The following PWWP2A variants were observed in gnomAD, a reference collection of about 807,000 sequenced individuals.
PWWP2A encodes PWWP domain-containing protein 2A.
Under a neutral mutation model 48.5 loss-of-function variants are expected in PWWP2A, and 18 were observed. The observed-to-expected ratio is 0.37, with a 90% CI of 0.26 to 0.55. The LOEUF is 0.55. Among genes scored for constraint, PWWP2A ranks in the 20% least tolerant of loss-of-function variants. The probability of loss-of-function intolerance (pLI) is 0.81; values close to 1 mark genes in which losing one functional copy is unlikely to be tolerated. For synonymous variants in PWWP2A, 396 were observed against 387.7 expected, an observed-to-expected ratio of 1.02 and a Z score of -0.25; for missense variants, 867 against 976.4, an observed-to-expected ratio of 0.89 and a Z score of 1.49.
intron 4 of PWWP2A, among the ~76,000 whole-genome samples, chr5:160,064,319 A>G (rs1753532585): frequency 1.3e-5 from 2 of 152,174 alleles, no homozygotes; most frequent in South Asian, 4.1e-4. Context: ...TGGGAAGAGG[A>G]GGCTGGACTA....
In PWWP2A at chr5:160,118,869, G is replaced by A; in HGVS notation, c.520C>T (p.Leu174Phe). 1 of 1,595,852 alleles carries A rather than the reference G, an allele frequency of 6.3e-7. No homozygotes were observed. Among genetic ancestry groups the A allele is most frequent in the African/African-American group, 1.4e-5 (1 of 72,724 alleles). The change falls in exon 1 of 2, where the codon CTT becomes TTT. Residue 174 changes from leucine (L) to phenylalanine (F), a missense_variant. By Grantham distance (22) the Leu-to-Phe change is conservative. Around this residue, in one of 4 missense-constraint regions of PWWP2A, gnomAD observed 385 missense variants for 396.9 expected, o/e 0.97. Coordinates refer to ENST00000307063, the MANE Select transcript of PWWP2A (RefSeq NM_001130864.2). ...TCCCCGAAGCGGAACGACACGACAA[G>A]CGCGTCCTCAATGATGTGGTCCAGC... Reference protein sequence around the residue: ...VTLDHIIEDALVVSFRFGEKL... With the variant: ...VTLDHIIEDAFVVSFRFGEKL...
At chr5:160,048,588 A>G in the PWWP2A span, among the ~76,000 whole-genome samples, 1 of 152,248 alleles carries the variant, frequency 6.6e-6, no homozygotes, top group Non-Finnish European at 1.5e-5. Flanking sequence ...TTATGCATCA[A>G]CCACCTCATA....
intron 1 of PWWP2A, among the ~76,000 whole-genome samples, chr5:160,114,463 A>G (rs920677698): frequency 2.0e-5 from 3 of 147,952 alleles, no homozygotes; most frequent in Admixed American, 1.3e-4. Flanking sequence ...TGTCTCAAAA[A>G]AAAGAAAAAG....
chr5:160,091,844 T>A lies in PWWP2A; in HGVS notation c.*538A>T, dbSNP rs1013418591. 1 of 985,114 alleles carries A rather than the reference T, an allele frequency of 1.0e-6. No individual in the cohort carries two copies. The highest frequency in any genetic ancestry group is 1.2e-6 in the Non-Finnish European group (1 of 829,862). 61.0% of individuals were successfully genotyped at this position (985,114 alleles called of 1,614,324 possible). A position where few individuals can be genotyped will look rare whatever the true frequency, so the allele number is the denominator to read the frequency against. On this transcript the variant is annotated 3_prime_UTR_variant, in exon 2 of 2. Transcript: ENST00000307063. ...CCATTATGCGCATAGAAAGGCTAAG[T>A]GTTCATTATTTAAAAAACAAGTAGT...
In PWWP2A at chr5:160,078,894, T is replaced by C. The variant is rs1754035881; in HGVS notation, c.1670-726A>G. ...AGAAGCAGGACTCCAAGCGCACTGT[T>C]TATAAAGGGCAAGGCTTATACAAAT... On this transcript the variant is annotated intron_variant, in intron 3 of 3. Transcript: ENST00000456329. The surrounding 1 kb of genome is among the most constrained non-coding windows in gnomAD (Gnocchi z 4.2). Among the ~76,000 whole-genome samples the C allele has an allele frequency of 6.6e-6, 1 of 152,168 alleles. No individual in the cohort carries two copies. Among genetic ancestry groups the C allele is most frequent in the African/African-American group, 2.4e-5 (1 of 41,430 alleles).
chr5:160,050,102 C>T, the PWWP2A span, among the ~76,000 whole-genome samples: 1 of 151,748 alleles, frequency 6.6e-6, no homozygotes, highest in African/African-American at 2.4e-5. Flanking sequence ...TGAGCTGTGA[C>T]TACATCACTG....
chr5:160,116,655 G>A lies in PWWP2A; in HGVS notation c.584+2150C>T, dbSNP rs922677836. ...TAAAAATAAAGCACTAACACAATGA[G>A]CACTTATCCATTCCATTTCCAAAAA... On this transcript the variant is annotated intron_variant, in intron 1 of 1. Transcript: ENST00000307063. 7 of 984,836 alleles carry A rather than the reference G, an allele frequency of 7.1e-6. No homozygotes were observed. In the African/African-American group the frequency reaches 1.2e-4, roughly 17 times the overall value. The allele number at this position is 984,836 out of a possible 1,614,324, so 61.0% of individuals were successfully genotyped here.
At chr5:160,109,680 T>C (rs990204344) in intron 1 of PWWP2A, among the ~76,000 whole-genome samples, 1 of 148,908 alleles carries the variant, frequency 6.7e-6, no homozygotes, top group Non-Finnish European at 1.5e-5. Context: ...GATAAGGCTG[T>C]GGTTCTTGCC....
At chr5:160,100,717 A>G (rs940403111) in intron 1 of PWWP2A, among the ~76,000 whole-genome samples, 3 of 152,272 alleles carry the variant, frequency 2.0e-5, no homozygotes, top group African/African-American at 7.2e-5. Context: ...CGGAAGAGGT[A>G]AAACTGAAGC....
At chr5:160,086,509 T>A (rs946052011), downstream of PWWP2A, among the ~76,000 whole-genome samples, 1 of 152,174 alleles carries the variant, frequency 6.6e-6, no homozygotes, top group African/African-American at 2.4e-5. Flanking sequence ...ACTGAGACCT[T>A]GTCTCTAAAT....
At chr5:160,074,741 C>T (rs558726837), downstream of PWWP2A, among the ~76,000 whole-genome samples, 141 of 150,160 alleles carry the variant, frequency 9.4e-4, no homozygotes, top group African/African-American at 3.3e-3. Flanking sequence ...AGCAAGACTC[C>T]GTCTCAAAAA....
At chr5:160,099,233 G>A (rs1158622560) in intron 1 of PWWP2A, among the ~76,000 whole-genome samples, 1 of 152,172 alleles carries the variant, frequency 6.6e-6, no homozygotes, top group Non-Finnish European at 1.5e-5. Context: ...CTTGCTTTAA[G>A]TTTTCCAAAA....
the PWWP2A span, among the ~76,000 whole-genome samples, chr5:160,054,306 T>C: frequency 6.6e-6 from 1 of 152,332 alleles, no homozygotes; most frequent in Admixed American, 6.5e-5. Flanking sequence ...ATTTCACAGT[T>C]TTCTTAAATA....
At chr5:160,065,066 C>T in intron 4 of PWWP2A, 1 of 1,608,428 alleles carries the variant, frequency 6.2e-7, no homozygotes, top group East Asian at 2.2e-5. Context: ...TAACAGATAA[C>T]AAAGATAACA....
chr5:160,083,488 C>A (rs987772665), intron 2 of PWWP2A, among the ~76,000 whole-genome samples: 4 of 152,156 alleles, frequency 2.6e-5, no homozygotes, highest in African/African-American at 7.2e-5. Flanking sequence ...TTCCTCCATA[C>A]GGCAAAACAT....
At chr5:160,099,271 T>C (rs1197766325) in intron 1 of PWWP2A, among the ~76,000 whole-genome samples, 3 of 152,170 alleles carry the variant, frequency 2.0e-5, no homozygotes, top group Non-Finnish European at 4.4e-5. Context: ...TCCCAAGAGT[T>C]GAGTAATAAG....
chr5:160,065,181 T>C (rs1753568523), intron 4 of PWWP2A: 1 of 1,409,370 alleles, frequency 7.1e-7, no homozygotes, highest in African/African-American at 1.4e-5. Flanking sequence ...AAAGAAAGGC[T>C]ATCCAGTAGA....
chr5:160,106,367 AT>A (rs1277484908), intron 1 of PWWP2A, among the ~76,000 whole-genome samples: 14 of 152,210 alleles, frequency 9.2e-5, no homozygotes, highest in Non-Finnish European at 1.3e-4. Context: ...ACTTCAGCAG[AT>A]TTGCCAGAGT....
rs770427944 is a variant in PWWP2A, at chr5:160,092,025, TACAC to T, written c.*353_*356del. 280 of 433,876 alleles carry T rather than the reference TACAC, an allele frequency of 6.5e-4. 7 individuals carry two copies. Among genetic ancestry groups the T allele is most frequent in the Middle Eastern group, 1.3e-3 (1 of 796 alleles). The allele number at this position is 433,876 out of a possible 1,614,324, so 26.9% of individuals were successfully genotyped here. A position where few individuals can be genotyped will look rare whatever the true frequency, so the allele number is the denominator to read the frequency against. ...ATATACATACACGGATATATATATA[TACAC>T]ACACACACACGTATATATATGTATA... On this transcript the variant is annotated 3_prime_UTR_variant, in exon 2 of 2. Coordinates refer to ENST00000307063, the MANE Select transcript of PWWP2A (RefSeq NM_001130864.2).
Sources: gnomAD v4.1 joint callset for allele counts (sites outside exome capture counted in the v4.1 genomes callset) on GRCh38, gnomAD v4.1.1 for gene constraint, gnomAD v4.1.1 regional missense constraint, Gnocchi (gnomAD v3.1) non-coding constraint, MANE v1.5 for transcripts, NCBI Gene and HGNC (gene_info 2026-07-23, HGNC 2026-07-21) for gene names.